The following FGF2 variants were observed in gnomAD, a reference collection of about 807,000 sequenced individuals.
FGF2 encodes the protein basic fibroblast growth factor bFGF.
FGF2 carries 13 observed loss-of-function variants against 15.9 expected under a neutral mutation model. The observed-to-expected ratio is 0.82, with a 90% CI of 0.53 to 1.30. FGF2 has a LOEUF of 1.30. FGF2 is among the 50% of genes most tolerant of loss of function. The pLI is 0.00. For missense variants in FGF2, 163 were observed against 196.9 expected (o/e 0.83, Z 1.03); for synonymous variants, 90 against 78.4 (o/e 1.15, Z -0.78).
At chr4:122,873,540 G>T (rs543725559) in intron 1 of FGF2, among the ~76,000 whole-genome samples, 1 of 152,032 alleles carries the variant, frequency 6.6e-6, no homozygotes. Flanking sequence ...TGGTTTCTTC[G>T]TGGTCCCATT....
chr4:122,827,303 C>A lies in FGF2; in HGVS notation c.129C>A (p.Ile43=). Residue 43 remains isoleucine, a synonymous_variant, in exon 1 of 3, where the codon ATC becomes ATA. Transcript: ENST00000644866. This position sits in a 1 kb window ranked among gnomAD's most constrained non-coding sequence, Gnocchi z 4.2. Reference sequence around the variant, plus strand: ...AAAACGGGGGCTTCTTCCTGCGCATCCACCCCGACGGCCGAGTTGACGGGG... The same window carrying A: ...AAAACGGGGGCTTCTTCCTGCGCATACACCCCGACGGCCGAGTTGACGGGG... ...YCKNGGFFLR[I]HPDGRVDGVR... The A allele has an allele frequency of 6.2e-7, 1 of 1,612,998 alleles. No individual in the cohort carries two copies. The highest frequency in any genetic ancestry group is 8.5e-7 in the Non-Finnish European group (1 of 1,179,888).
chr4:122,889,516 A>G (rs1182513719), intron 2 of FGF2, among the ~76,000 whole-genome samples: 3 of 152,078 alleles, frequency 2.0e-5, no homozygotes, highest in Non-Finnish European at 2.9e-5. Flanking sequence ...AATGGAGACA[A>G]TTGAAAATTG....
chr4:122,869,178 C>G (rs1202673858), intron 1 of FGF2, among the ~76,000 whole-genome samples: 2 of 151,924 alleles, frequency 1.3e-5, no homozygotes, highest in African/African-American at 4.8e-5. Context: ...GGTCTCTGCT[C>G]TGCTCCATTG....
intron 2 of FGF2, among the ~76,000 whole-genome samples, chr4:122,888,231 C>G (rs1727097362): frequency 6.6e-6 from 1 of 152,144 alleles, no homozygotes; most frequent in African/African-American, 2.4e-5. Flanking sequence ...TCAGGAAACC[C>G]TATTAAGTCT....
At chr4:122,848,741 T>TC (rs1726167215) in intron 1 of FGF2, among the ~76,000 whole-genome samples, 1 of 152,206 alleles carries the variant, frequency 6.6e-6, no homozygotes. Context: ...AGAGCATTAT[T>TC]CCCCTTTCAT....
intron 1 of FGF2, among the ~76,000 whole-genome samples, chr4:122,830,912 C>A (rs1563704): frequency 2.0e-5 from 3 of 150,726 alleles, no homozygotes; most frequent in Admixed American, 6.6e-5. Flanking sequence ...TGCCACACTT[C>A]TTTGCTTGCA....
chr4:122,882,037 A>C (rs1726969637), intron 2 of FGF2: 1 of 152,314 alleles, frequency 6.6e-6, no homozygotes, highest in Non-Finnish European at 1.5e-5. Flanking sequence ...TAAAACCATA[A>C]GATCTCATGA....
upstream of FGF2, chr4:122,826,764 G>A: frequency 7.6e-7 from 1 of 1,324,098 alleles, no homozygotes; most frequent in Non-Finnish European, 9.8e-7. Flanking sequence ...GGAGAACTGG[G>A]GGCGCGGGAG....
rs1244116413 is a variant in FGF2 at position 122,897,925 on chromosome 4, C to T, written c.*5529C>T. On this transcript the variant is annotated 3_prime_UTR_variant, in exon 3 of 3. Transcript: ENST00000644866. ...AATATAAGTGGTTTTGTTTGGTTAACGTGATACATTCTGTATGAATGAAAC... is the reference window on the plus strand; with the variant it reads ...AATATAAGTGGTTTTGTTTGGTTAATGTGATACATTCTGTATGAATGAAAC... 3 of 465,910 alleles carry T rather than the reference C, an allele frequency of 6.4e-6. No homozygotes were observed. Among genetic ancestry groups the T allele is most frequent in the South Asian group, 5.8e-5 (2 of 34,394 alleles). The allele number at this position is 465,910 out of a possible 1,614,324, so 28.9% of individuals were successfully genotyped here. A position where few individuals can be genotyped will look rare whatever the true frequency, so the allele number is the denominator to read the frequency against.
chr4:122,831,446 T>C (rs1725764357), intron 1 of FGF2, among the ~76,000 whole-genome samples: 1 of 152,190 alleles, frequency 6.6e-6, no homozygotes, highest in South Asian at 2.1e-4. Flanking sequence ...AATAGAACCA[T>C]TGATTTAATA....
At chr4:122,862,024 G>C (rs772846731) in intron 1 of FGF2, among the ~76,000 whole-genome samples, 1 of 152,106 alleles carries the variant, frequency 6.6e-6, no homozygotes, top group African/African-American at 2.4e-5. Flanking sequence ...GGCACTTACA[G>C]TATTGAGCTT....
chr4:122,875,146 C>T (rs952077929), intron 1 of FGF2, among the ~76,000 whole-genome samples: 3 of 152,146 alleles, frequency 2.0e-5, no homozygotes, highest in South Asian at 2.1e-4. Flanking sequence ...TTGTTCTAGG[C>T]AGGAGAATGC....
intron 1 of FGF2, among the ~76,000 whole-genome samples, chr4:122,867,252 C>T (rs1726620053): frequency 6.6e-6 from 1 of 152,212 alleles, no homozygotes; most frequent in Admixed American, 6.5e-5. Flanking sequence ...GCACATTGAA[C>T]TGTATGCATG....
At chr4:122,866,044 A>G (rs1349987019) in intron 1 of FGF2, among the ~76,000 whole-genome samples, 1 of 152,228 alleles carries the variant, frequency 6.6e-6, no homozygotes, top group Non-Finnish European at 1.5e-5. Context: ...ATGAAAATTT[A>G]AAGTGTTTAT....
intron 1 of FGF2, among the ~76,000 whole-genome samples, chr4:122,841,397 C>T (rs1725981323): frequency 1.3e-5 from 2 of 152,164 alleles, no homozygotes; most frequent in African/African-American, 4.8e-5. Flanking sequence ...TCTGCTATTC[C>T]GCACTATTAC....
intron 2 of FGF2, among the ~76,000 whole-genome samples, chr4:122,878,169 T>A (rs1726894437): frequency 6.6e-6 from 1 of 152,242 alleles, no homozygotes; most frequent in Non-Finnish European, 1.5e-5. Flanking sequence ...AGGGTTTTGA[T>A]ATGCTACTTC....
intron 1 of FGF2, among the ~76,000 whole-genome samples, chr4:122,866,075 G>A (rs547587489): frequency 6.6e-6 from 1 of 152,230 alleles, no homozygotes; most frequent in South Asian, 2.1e-4. Context: ...ACAACATCAA[G>A]AAAGTGAAAA....
intron 1 of FGF2, among the ~76,000 whole-genome samples, chr4:122,849,565 C>T (rs575673133): frequency 4.6e-5 from 7 of 151,786 alleles, no homozygotes; most frequent in African/African-American, 7.3e-5. Context: ...CAAACCTGCA[C>T]GTTCTGCACA....
At chr4:122,841,712 A>G (rs970523083) in intron 1 of FGF2, among the ~76,000 whole-genome samples, 3 of 152,184 alleles carry the variant, frequency 2.0e-5, no homozygotes, top group African/African-American at 7.2e-5. Flanking sequence ...TGCTAAACCA[A>G]AGTTATGTTT....
Sources: allele counts gnomAD v4.1 joint callset (sites outside exome capture counted in the v4.1 genomes callset), GRCh38; gene constraint gnomAD v4.1.1; non-coding constraint Gnocchi (gnomAD v3.1); transcripts MANE v1.5; gene names NCBI Gene and HGNC (gene_info 2026-07-23, HGNC 2026-07-21).